Variants in LIMS1 observed in about 807,000 individuals in gnomAD.
The protein encoded by LIMS1 is LIM zinc finger domain containing 1.
LIMS1 carries 18 observed loss-of-function variants against 44.1 expected under a neutral mutation model. The observed-to-expected ratio is 0.41, with a 90% CI of 0.28 to 0.61. The LOEUF (loss-of-function observed/expected upper bound fraction) is 0.61, where lower values mean the gene tolerates loss of function less well. Ranked by LOEUF, LIMS1 falls within the 20% of genes least tolerant of loss-of-function variation. LIMS1 has a pLI of 0.32. For synonymous variants in LIMS1, 93 were observed against 149.1 expected, an observed-to-expected ratio of 0.62 and a Z score of 2.74; for missense variants, 201 against 422.0, an observed-to-expected ratio of 0.48 and a Z score of 4.59.
rs372729710 is a variant in LIMS1, at chr2:108,593,457, A to G, written c.32+58863A>G. Among the ~76,000 whole-genome samples the G allele has an allele frequency of 5.9e-5, 9 of 152,012 alleles. No individual in the cohort carries two copies. The South Asian group carries it at 1.9e-3, about 32-fold the overall frequency. ...TTGCCGGAGTTACTTCTCCATCCCC[A>G]CTCTCAAGCCTACCCAGACCTGGAG... is the stretch of plus-strand genomic sequence containing the variant. On this transcript the variant is annotated intron_variant, in intron 1 of 9. Coordinates refer to ENST00000544547, the Ensembl canonical transcript of LIMS1.
chr2:108,663,723 C>T (rs114773792), intron 2 of LIMS1, among the ~76,000 whole-genome samples: 5,055 of 152,084 alleles, frequency 0.033, 293 homozygotes, highest in African/African-American at 0.12. Flanking sequence ...AATGCATTAA[C>T]AGTAAAGACC....
chr2:108,540,487 C>T (rs757638090), intron 1 of LIMS1, among the ~76,000 whole-genome samples: 9 of 152,192 alleles, frequency 5.9e-5, no homozygotes, highest in Non-Finnish European at 1.0e-4. Context: ...CTTGAGCCAC[C>T]GCGCCTGGCT....
At chr2:108,640,974 G>T (rs577483213) in intron 1 of LIMS1, among the ~76,000 whole-genome samples, 1 of 151,972 alleles carries the variant, frequency 6.6e-6, no homozygotes, top group Admixed American at 6.6e-5. Context: ...CCAACTCTGC[G>T]TTCTAATTCT....
intron 1 of LIMS1, among the ~76,000 whole-genome samples, chr2:108,654,189 T>C (rs963362830): frequency 6.6e-6 from 1 of 151,950 alleles, no homozygotes; most frequent in African/African-American, 2.4e-5. Flanking sequence ...CTTGGCTTAG[T>C]GATTTAGTTT....
chr2:108,667,550 A>AT (rs1558837768), intron 2 of LIMS1, among the ~76,000 whole-genome samples: 913 of 88,156 alleles, frequency 0.01, 4 homozygotes, highest in Middle Eastern at 0.018. Flanking sequence ...AAAAAAAAAA[A>AT]AATATATATA....
At chr2:108,602,234 T>C (rs1368572541) in intron 1 of LIMS1, among the ~76,000 whole-genome samples, 1 of 152,226 alleles carries the variant, frequency 6.6e-6, no homozygotes, top group Non-Finnish European at 1.5e-5. Context: ...TAAAATCATA[T>C]CATCTGCAAA....
exon 10 of LIMS1, chr2:108,687,135 T>A (rs779788234): frequency 3.3e-5 from 5 of 152,224 alleles, no homozygotes; most frequent in Admixed American, 2.0e-4. Context: ...GTATTTCGTT[T>A]TAGATTGTAA....
chr2:108,679,692 GA>G (rs894419477), intron 8 of LIMS1, among the ~76,000 whole-genome samples: 2 of 151,900 alleles, frequency 1.3e-5, no homozygotes, highest in Non-Finnish European at 2.9e-5. Context: ...CGAGACAGGA[GA>G]ATTTCTTGAG....
At chr2:108,607,056 A>G in intron 1 of LIMS1, 1 of 621,988 alleles carries the variant, frequency 1.6e-6, no homozygotes, top group South Asian at 2.0e-5. Context: ...TAGGAGGTGG[A>G]GCCTTTGGAG....
intron 1 of LIMS1, among the ~76,000 whole-genome samples, chr2:108,539,689 T>C (rs1415542657): frequency 6.6e-6 from 1 of 152,194 alleles, no homozygotes; most frequent in Non-Finnish European, 1.5e-5. Context: ...TTTTGTTGTA[T>C]AGCTTTTTGT....
intron 9 of LIMS1, 92 bp from the exon 10 acceptor site, chr2:108,683,793 T>C: frequency 5.1e-6 from 3 of 590,416 alleles, no homozygotes; most frequent in Non-Finnish European, 8.7e-6. Flanking sequence ...GTTGCCTTCG[T>C]TTAGTTCAGT....
At chr2:108,548,956 T>C (rs752772047) in intron 1 of LIMS1, among the ~76,000 whole-genome samples, 1 of 152,144 alleles carries the variant, frequency 6.6e-6, no homozygotes, top group African/African-American at 2.4e-5. Context: ...AGCCAAAATA[T>C]GCAGTTGGAT....
intron 1 of LIMS1, among the ~76,000 whole-genome samples, chr2:108,557,484 C>A (rs1684964202): frequency 6.6e-6 from 1 of 151,854 alleles, no homozygotes; most frequent in Admixed American, 6.6e-5. Flanking sequence ...TGATCAGATT[C>A]ATATTTTACC....
intron 2 of LIMS1, among the ~76,000 whole-genome samples, chr2:108,668,188 T>C (rs1250412464): frequency 6.6e-6 from 1 of 152,246 alleles, no homozygotes; most frequent in African/African-American, 2.4e-5. Context: ...ACATTTATAA[T>C]TTCTTTGTCG....
chr2:108,666,945 A>G (rs1027432551), intron 2 of LIMS1, among the ~76,000 whole-genome samples: 1 of 152,044 alleles, frequency 6.6e-6, no homozygotes, highest in Non-Finnish European at 1.5e-5. Flanking sequence ...CACTGTGTTC[A>G]GCTATCCAGA....
chr2:108,570,821 C>T (rs1161763718), intron 1 of LIMS1, among the ~76,000 whole-genome samples: 2 of 152,152 alleles, frequency 1.3e-5, no homozygotes, highest in East Asian at 3.9e-4. Flanking sequence ...TGCAGTCCTG[C>T]CCTGGAGGGG....
chr2:108,596,164 G>C (rs1323069382), intron 1 of LIMS1, among the ~76,000 whole-genome samples: 1 of 152,182 alleles, frequency 6.6e-6, no homozygotes, highest in Non-Finnish European at 1.5e-5. Context: ...GCCAACATTT[G>C]TATAGTACTT....
At chr2:108,670,326 A>G (rs1439462826) in intron 2 of LIMS1, among the ~76,000 whole-genome samples, 1 of 150,700 alleles carries the variant, frequency 6.6e-6, no homozygotes, top group Admixed American at 6.6e-5. Context: ...ATTTAAAAAA[A>G]TAATAAAATA....
intron 1 of LIMS1, among the ~76,000 whole-genome samples, chr2:108,595,621 TTTGTTG>T (rs569763925): frequency 1.7e-4 from 26 of 152,186 alleles, no homozygotes; most frequent in South Asian, 8.3e-4. Flanking sequence ...CTTGGTTTAT[TTTGTTG>T]TTGTTGTTGT....
Sources: allele counts gnomAD v4.1 joint callset (sites outside exome capture counted in the v4.1 genomes callset), GRCh38; gene constraint gnomAD v4.1.1; transcripts MANE v1.5; gene names NCBI Gene and HGNC (gene_info 2026-07-23, HGNC 2026-07-21).